FSIP2: variants seen among roughly 807,000 people sequenced by gnomAD.
The protein encoded by FSIP2 is fibrous sheath-interacting protein 2.
In FSIP2, 367 loss-of-function variants were observed where a neutral mutation model predicts 510.5. That is an observed-to-expected ratio of 0.72 (90% confidence interval 0.66 to 0.78). The LOEUF is 0.78. Among genes scored for constraint, FSIP2 ranks in the 30% least tolerant of loss-of-function variants. The pLI is 0.00. For synonymous variants in FSIP2, 2,601 were observed against 2,732.2 expected (o/e 0.95, Z 1.50); for missense variants, 7,594 against 7,901.7 (o/e 0.96, Z 1.48).
At chr2:185,784,048 G>C (rs1692911222) in intron 14 of FSIP2, 1 of 152,184 alleles carries the variant, frequency 6.6e-6, no homozygotes, top group Admixed American at 6.5e-5. Flanking sequence ...AGGTTTAACT[G>C]CAGGTTTTAC....
In FSIP2 at chr2:185,788,936, ACCT is replaced by A; in HGVS notation, c.1807_1809del (p.Pro603del). On this transcript the variant is annotated inframe_deletion, in exon 16 of 23. Transcript: ENST00000424728. Reference sequence around the variant, plus strand: ...TAAGGAGACCAACCACACCTATAAAACCTCCTCCTGCACATGTGGAAAAAACAG... The same window carrying A: ...TAAGGAGACCAACCACACCTATAAAACCTCCTGCACATGTGGAAAAAACAG... 1 of 1,534,848 alleles carries A rather than the reference ACCT, an allele frequency of 6.5e-7. No homozygotes were observed. The highest frequency in any genetic ancestry group is 1.2e-5 in the South Asian group (1 of 84,034).
chr2:185,740,148 C>CCCT (rs1691895583), intron 2 of FSIP2, among the ~76,000 whole-genome samples: 1 of 152,168 alleles, frequency 6.6e-6, no homozygotes, highest in Non-Finnish European at 1.5e-5. Flanking sequence ...ATTTTGTCAA[C>CCCT]TTTGCCCCCA....
chr2:185,738,640 C>G (rs1473324851), upstream of FSIP2: 1 of 1,535,932 alleles, frequency 6.5e-7, no homozygotes, highest in Non-Finnish European at 8.7e-7. Context: ...GAAGTTTCAA[C>G]TGTGGTCCTC....
chr2:185,829,307 A>G (rs1192721999), intron 21 of FSIP2, among the ~76,000 whole-genome samples: 2 of 151,890 alleles, frequency 1.3e-5, no homozygotes, highest in African/African-American at 4.8e-5. Context: ...CACTGATTAC[A>G]ACTAAACACT....
In FSIP2 at chr2:185,790,116, G is replaced by A. The variant is rs1693084685; in HGVS notation, c.2980G>A (p.Val994Ile). ...RSGRPFPPIN[V>I]PGMVLYSDDE... ...TGGAAGACCATTTCCACCTATAAATGTTCCAGGCATGGTTCTTTATTCTGA... is the reference window on the plus strand; with the variant it reads ...TGGAAGACCATTTCCACCTATAAATATTCCAGGCATGGTTCTTTATTCTGA... Residue 994 changes from valine (V) to isoleucine (I), a missense_variant, in exon 16 of 23, where the codon GTT (valine) becomes ATT (isoleucine). Val to Ile is a conservative substitution (Grantham distance 29). Coordinates refer to ENST00000424728, the MANE Select transcript of FSIP2 (RefSeq NM_173651.4). 6.5e-7 allele frequency: 1 copy of A among 1,533,718 alleles called. No individual in the cohort carries two copies. The highest frequency in any genetic ancestry group is 8.7e-7 in the Non-Finnish European group (1 of 1,145,296).
At chr2:185,766,678 G>A (rs1284466230) in intron 13 of FSIP2, 1 of 151,276 alleles carries the variant, frequency 6.6e-6, no homozygotes, top group East Asian at 2.0e-4. Context: ...ACAGGTGCTG[G>A]AAAGGATGTG....
chr2:185,764,572 A>G lies in FSIP2; in HGVS notation c.1411+7A>G. 6.7e-7 allele frequency: 1 copy of G among 1,497,408 alleles called. No homozygotes were observed. The highest frequency in any genetic ancestry group is 9.0e-7 in the Non-Finnish European group (1 of 1,113,682). 92.8% of individuals were successfully genotyped at this position (1,497,408 alleles called of 1,614,324 possible). ...AGCTATCTCTGCGAATCAGGTAAAT[A>G]TCAGCAGTAATTATTGAGTAAATCT... On this transcript the variant is annotated splice_region_variant and intron_variant, in intron 13 of 22. Coordinates refer to ENST00000424728, the MANE Select transcript of FSIP2 (RefSeq NM_173651.4).
In FSIP2 at chr2:185,802,358, T is replaced by G. The variant is rs762164704; in HGVS notation, c.13052T>G (p.Ile4351Ser). Residue 4351 changes from isoleucine to serine, a missense_variant, in exon 17 of 23, where the codon ATT (isoleucine) becomes AGT (serine). Physicochemically the swap from Ile to Ser is moderately radical, Grantham distance 142. Coordinates refer to ENST00000424728, the MANE Select transcript of FSIP2 (RefSeq NM_173651.4). ...SINRHFNKAK[I>S]HILYDDKEQA... The stretch of plus-strand genomic sequence containing the variant: ...AATAGGCATTTCAATAAAGCTAAAA[T>G]TCACATTCTCTATGATGACAAAGAA... 3.3e-6 allele frequency: 5 copies of G among 1,533,062 alleles called. No individual in the cohort carries two copies. The highest frequency in any genetic ancestry group is 4.4e-6 in the Non-Finnish European group (5 of 1,145,160). The allele number at this position is 1,533,062 out of a possible 1,614,324, so 95.0% of individuals were successfully genotyped here.
At position 185,809,098 on chromosome 2, in the gene FSIP2, G is replaced by C; in HGVS notation, c.19792G>C (p.Asp6598His). 6.3e-7 allele frequency: 1 copy of C among 1,589,656 alleles called. No individual in the cohort carries two copies. Among genetic ancestry groups the C allele is most frequent in the South Asian group, 1.2e-5 (1 of 86,244 alleles). Residue 6598 changes from aspartate (D) to histidine (H), a missense_variant, in exon 17 of 23, where the codon GAT becomes CAT. Transcript: ENST00000424728. ...KRKTERRTSL[D>H]KTGRLDVKPL... ...AAAGACAGAAAGACGTACCTCATTG[G>C]ATAAGACTGGAAGACTGGATGTAAA...
rs1173458240 is a variant in FSIP2, at chr2:185,792,035, A to C, written c.4899A>C (p.Ala1633=). The change falls in exon 16 of 23, where the codon GCA becomes GCC. Residue 1633 remains alanine, a synonymous_variant. Coordinates refer to ENST00000424728, the MANE Select transcript of FSIP2 (RefSeq NM_173651.4). ...ATATTTCCAGAGACACACATGAAGC[A>C]TCATTTCTGTCTGCTTTATATATGC... ...STNISRDTHE[A]SFLSALYMHA... 1 of 1,533,980 alleles carries C rather than the reference A, an allele frequency of 6.5e-7. No individual in the cohort carries two copies. The highest frequency in any genetic ancestry group is 2.0e-5 in the Admixed American group (1 of 50,836).
At position 185,816,871 on chromosome 2, in the gene FSIP2, G is replaced by C. The variant is rs1693835058; in HGVS notation, c.20426+1400G>C. Among the ~76,000 whole-genome samples, 4 of 150,000 alleles carry C rather than the reference G, an allele frequency of 2.7e-5. No individual in the cohort carries two copies. In the Admixed American group the frequency reaches 2.7e-4, roughly 10 times the overall value. The stretch of plus-strand genomic sequence containing the variant: ...ACTCTGAGACAGAGAGAGAGAGAGA[G>C]AGAGAGAGAAGACGAAAGAAAGAGA... On this transcript the variant is annotated intron_variant, in intron 19 of 22. Transcript: ENST00000424728.
chr2:185,767,657 G>A (rs1185533673), intron 13 of FSIP2, among the ~76,000 whole-genome samples: 2 of 151,790 alleles, frequency 1.3e-5, no homozygotes, highest in Non-Finnish European at 2.9e-5. Context: ...TATTATATCT[G>A]TCTGTCTGTC....
rs1390112242 is a variant in FSIP2, at chr2:185,801,552, C to G, written c.12246C>G (p.Gly4082=). 4.6e-6 allele frequency: 7 copies of G among 1,533,904 alleles called. No homozygotes were observed. In the South Asian group the frequency reaches 7.1e-5, roughly 16 times the overall value. Residue 4082 remains glycine (G), a synonymous_variant, in exon 17 of 23, where the codon GGC becomes GGG. Coordinates refer to ENST00000424728, the MANE Select transcript of FSIP2 (RefSeq NM_173651.4). The part of the protein sequence containing the change: ...NASIAEQITN[G]ILLEILDYKL... ...CAATAGCAGAACAAATAACAAATGGCATATTGTTAGAGATTTTAGACTACA... is the reference window on the plus strand; with the variant it reads ...CAATAGCAGAACAAATAACAAATGGGATATTGTTAGAGATTTTAGACTACA...
chr2:185,822,428 C>A (rs1693940432), intron 19 of FSIP2, among the ~76,000 whole-genome samples: 1 of 151,798 alleles, frequency 6.6e-6, no homozygotes, highest in Admixed American at 6.6e-5. Flanking sequence ...ACTGAACAAT[C>A]TAAAAACAAT....
chr2:185,740,799 G>A (rs537082371), intron 2 of FSIP2, among the ~76,000 whole-genome samples: 11 of 151,924 alleles, frequency 7.2e-5, no homozygotes, highest in Non-Finnish European at 1.3e-4. Context: ...TATCTCCCTT[G>A]ATGAGGACTC....
At chr2:185,754,085 A>G (rs1325586804) in intron 8 of FSIP2, among the ~76,000 whole-genome samples, 2 of 151,310 alleles carry the variant, frequency 1.3e-5, no homozygotes, top group Non-Finnish European at 3.0e-5. Context: ...TTTGTAACCA[A>G]CCTCCCTATA....
rs1165838756 is a variant in FSIP2 at position 185,807,535 on chromosome 2, G to A, written c.18229G>A (p.Asp6077Asn). The A allele has an allele frequency of 6.2e-6, 10 of 1,611,116 alleles. No individual in the cohort carries two copies. Among genetic ancestry groups the A allele is most frequent in the Admixed American group, 3.4e-5 (2 of 59,700 alleles). Residue 6077 changes from aspartate (D) to asparagine (N), a missense_variant, in exon 17 of 23, where the codon GAT becomes AAT. Coordinates refer to ENST00000424728, the MANE Select transcript of FSIP2 (RefSeq NM_173651.4). ...GTATGTAGAAACCTTACAATCTGAT[G>A]ATGATGAAATTATTCAATTAGTGGT... ...IQYVETLQSD[D>N]DEIIQLVVQS...
intron 13 of FSIP2, among the ~76,000 whole-genome samples, chr2:185,767,898 G>A (rs1297337395): frequency 1.3e-5 from 2 of 152,120 alleles, no homozygotes; most frequent in Admixed American, 1.3e-4. Context: ...GTACCCAGAA[G>A]TTGAATTGCT....
intron 13 of FSIP2, among the ~76,000 whole-genome samples, chr2:185,774,656 G>A (rs1211762351): frequency 6.9e-6 from 1 of 145,506 alleles, no homozygotes; most frequent in African/African-American, 2.6e-5. Context: ...ACGTATACAT[G>A]TGCCATGCTG....
Sources: gnomAD v4.1 joint callset for allele counts (sites outside exome capture counted in the v4.1 genomes callset) on GRCh38, gnomAD v4.1.1 for gene constraint, MANE v1.5 for transcripts, NCBI Gene and HGNC (gene_info 2026-07-23, HGNC 2026-07-21) for gene names.